The following ASB11 variants were observed in gnomAD, a reference collection of about 807,000 sequenced individuals.
ASB11 encodes the protein ankyrin repeat and SOCS box protein 11.
ASB11 carries 17 observed loss-of-function variants against 20.1 expected under a neutral mutation model. The ratio of observed to expected loss-of-function variants is 0.85; its 90% confidence interval spans 0.58 to 1.27. The LOEUF (loss-of-function observed/expected upper bound fraction) is 1.27. Among genes scored for constraint, ASB11 ranks in the 50% most tolerant of loss-of-function variants. The pLI, the probability that ASB11 is intolerant of heterozygous loss-of-function variation, is 0.00. For missense variants in ASB11, 259 were observed against 256.9 expected (o/e 1.01, Z -0.06); for synonymous variants, 107 against 105.6 (o/e 1.01, Z -0.08).
chrX:15,293,169 C>T lies in ASB11; in HGVS notation c.520+1G>A, dbSNP rs1236071515. The T allele has an allele frequency of 8.3e-7, 1 of 1,206,820 alleles. No homozygotes were observed. Among genetic ancestry groups the T allele is most frequent in the East Asian group, 3.0e-5 (1 of 33,829 alleles). On this transcript the variant is annotated splice_donor_variant, in intron 4 of 6. Coordinates refer to ENST00000480796, the MANE Select transcript of ASB11 (RefSeq NM_080873.3). LOFTEE classifies it high-confidence loss of function. The stretch of plus-strand genomic sequence containing the variant: ...CACATGCATTGTGGTGGCTCATTTA[C>T]CTCTCTTCACTGCCTCATGGATGGG...
At chrX:15,305,669 T>A (rs1248060957) in intron 1 of ASB11, among the ~76,000 whole-genome samples, 1 of 111,524 alleles carries the variant, frequency 9.0e-6, no homozygotes, top group African/African-American at 3.3e-5. Flanking sequence ...ACTCCTGATA[T>A]GAATGTGTAT....
At chrX:15,297,508 A>G (rs1288578247) in intron 3 of ASB11, 66 bp downstream of exon 3, 5 of 934,322 alleles carry the variant, frequency 5.4e-6, no homozygotes, top group Admixed American at 3.2e-5. Flanking sequence ...TGGAAGGTAA[A>G]CTATCATTAA....
Position 15,315,415 on chromosome X carries a change from G to A in ASB11, c.181+10C>T, listed in dbSNP as rs760566017. On this transcript the variant is annotated intron_variant, in intron 1 of 6. Coordinates refer to ENST00000480796, the MANE Select transcript of ASB11 (RefSeq NM_080873.3). ...CTTTAAATATTAGGAACAAATTCAT[G>A]TACTTTTACCTGAAATTCCACCATA... The A allele has an allele frequency of 2.1e-5, 22 of 1,070,141 alleles. No individual in the cohort carries two copies. Among genetic ancestry groups the A allele is most frequent in the Non-Finnish European group, 2.7e-5 (22 of 822,005 alleles). 88.2% of individuals were successfully genotyped at this position (1,070,141 alleles called of 1,213,427 possible).
At chrX:15,304,617 C>T (rs1323833411) in intron 1 of ASB11, among the ~76,000 whole-genome samples, 2 of 112,327 alleles carry the variant, frequency 1.8e-5, no homozygotes, top group Admixed American at 9.4e-5. Context: ...GCCAGGCTCA[C>T]GCCTGTAATC....
rs148478852 is a variant in ASB11, at chrX:15,293,249, G to A, written c.441C>T (p.Val147=). 1.7e-6 allele frequency: 2 copies of A among 1,210,027 alleles called. No homozygotes were observed. Among genetic ancestry groups the A allele is most frequent in the African/African-American group, 3.5e-5 (2 of 57,260 alleles). ...TGGCTCCGAACTCCAGCAGCACATTGACACATGCAGCACTGCCGCTGCAGC... is the reference window on the plus strand; with the variant it reads ...TGGCTCCGAACTCCAGCAGCACATTAACACATGCAGCACTGCCGCTGCAGC... ...NACCSGSAAC[V]NVLLEFGAKA... The change falls in exon 4 of 7, where the codon GTC becomes GTT. Residue 147 remains valine, a synonymous_variant. Transcript: ENST00000480796.
Position 15,293,233 on chromosome X carries a change from A to G in ASB11, c.457T>C (p.Phe153Leu). Reference sequence around the variant, plus strand: ...ACCTCCAACTGGGCCTTGGCTCCGAACTCCAGCAGCACATTGACACATGCA... The same window carrying G: ...ACCTCCAACTGGGCCTTGGCTCCGAGCTCCAGCAGCACATTGACACATGCA... ...SAACVNVLLE[F>L]GAKAQLEVHL... is the part of the protein sequence containing the mutation. The change falls in exon 4 of 7, where the codon TTC (phenylalanine) becomes CTC (leucine). Residue 153 changes from phenylalanine (F) to leucine (L), a missense_variant. Phe to Leu is a conservative substitution (Grantham distance 22). Coordinates refer to ENST00000480796, the MANE Select transcript of ASB11 (RefSeq NM_080873.3). 8.3e-7 allele frequency: 1 copy of G among 1,211,609 alleles called. No individual in the cohort carries two copies. Among genetic ancestry groups the G allele is most frequent in the Non-Finnish European group, 1.1e-6 (1 of 895,462 alleles).
At chrX:15,301,859 T>A (rs770960701) in intron 2 of ASB11, among the ~76,000 whole-genome samples, 1 of 112,171 alleles carries the variant, frequency 8.9e-6, no homozygotes, top group Admixed American at 9.5e-5. Flanking sequence ...CCTATTTTAA[T>A]GCTTGTTCTT....
At position 15,297,637 on chromosome X, in the gene ASB11, G is replaced by C. The variant is rs1920980264; in HGVS notation, c.306C>G (p.Leu102=). The stretch of plus-strand genomic sequence containing the variant: ...CGTGACCTCCAAGGCATGCCTCGTG[G>C]AGAGAAGACACCCGGTTAATTGTCA... ...NLVTINRVSS[L]HEACLGGHVA... is the part of the protein sequence containing the mutation. Residue 102 remains leucine, a synonymous_variant, in exon 3 of 7, where the codon CTC becomes CTG. Coordinates refer to ENST00000480796, the MANE Select transcript of ASB11 (RefSeq NM_080873.3). 8.3e-7 allele frequency: 1 copy of C among 1,210,716 alleles called. No individual in the cohort carries two copies. Among genetic ancestry groups the C allele is most frequent in the Non-Finnish European group, 1.1e-6 (1 of 894,829 alleles).
Position 15,293,189 on chromosome X carries a change from G to A in ASB11, c.501C>T (p.Ile167=). Reference sequence around the variant, plus strand: ...ATTTACCTCTCTTCACTGCCTCATGGATGGGCGAGGCCAGGTGCACCTCCA... The same window carrying A: ...ATTTACCTCTCTTCACTGCCTCATGAATGGGCGAGGCCAGGTGCACCTCCA... The part of the protein sequence containing the change: ...AQLEVHLASP[I]HEAVKRGHRE... The change falls in exon 4 of 7, where the codon ATC becomes ATT. Residue 167 remains isoleucine, a synonymous_variant. Coordinates refer to ENST00000480796, the MANE Select transcript of ASB11 (RefSeq NM_080873.3). The A allele has an allele frequency of 8.3e-7, 1 of 1,210,410 alleles. No individual in the cohort carries two copies. Among genetic ancestry groups the A allele is most frequent in the Non-Finnish European group, 1.1e-6 (1 of 895,016 alleles).
intron 1 of ASB11, 37 bp from the exon 2 acceptor site, chrX:15,302,844 G>A: frequency 8.7e-7 from 1 of 1,143,891 alleles, no homozygotes; most frequent in Non-Finnish European, 1.2e-6. Flanking sequence ...AAGGCCTGGA[G>A]ACTTCTTCCT....
intron 3 of ASB11, among the ~76,000 whole-genome samples, chrX:15,294,022 A>G (rs1920950607): frequency 1.8e-5 from 2 of 111,052 alleles, no homozygotes; most frequent in South Asian, 7.4e-4. Context: ...CTTAAAGTAT[A>G]ATAAAAAATA....
At chrX:15,309,219 T>A (rs949801945) in intron 1 of ASB11, among the ~76,000 whole-genome samples, 1 of 110,557 alleles carries the variant, frequency 9.0e-6, no homozygotes, top group African/African-American at 3.3e-5. Context: ...GCCCGGATGC[T>A]TCTTCTGTAT....
chrX:15,312,837 C>A (rs867421346), intron 1 of ASB11, among the ~76,000 whole-genome samples: 1 of 110,200 alleles, frequency 9.1e-6, no homozygotes, highest in Non-Finnish European at 1.9e-5. Context: ...TTTAATACAC[C>A]TAAATATATT....
Position 15,293,311 on chromosome X carries a change from C to G in ASB11, c.379G>C (p.Val127Leu). Reference sequence around the variant, plus strand: ...AGGGGTGTGGCTCCGTGAACTGTCACTCCATTGACCTAATGATGGGCAAAG... The same window carrying G: ...AGGGGTGTGGCTCCGTGAACTGTCAGTCCATTGACCTAATGATGGGCAAAG... ...LLENGAHVNG[V>L]TVHGATPLFN... The change falls in exon 4 of 7, where the codon GTG becomes CTG. Residue 127 changes from valine (V) to leucine (L), a missense_variant. Physicochemically the swap from Val to Leu is conservative, Grantham distance 32. Coordinates refer to ENST00000480796, the MANE Select transcript of ASB11 (RefSeq NM_080873.3). 1 of 1,205,318 alleles carries G rather than the reference C, an allele frequency of 8.3e-7. No homozygotes were observed. Among genetic ancestry groups the G allele is most frequent in the Non-Finnish European group, 1.1e-6 (1 of 892,963 alleles).
intron 6 of ASB11, among the ~76,000 whole-genome samples, chrX:15,285,385 C>T (rs1419770838): frequency 1.8e-5 from 2 of 109,213 alleles, no homozygotes; most frequent in East Asian, 2.9e-4. Context: ...ATGGTCTACC[C>T]GCCTGGGCCT....
At chrX:15,312,459 G>C (rs1602200925) in intron 1 of ASB11, among the ~76,000 whole-genome samples, 1 of 65,671 alleles carries the variant, frequency 1.5e-5, no homozygotes, top group African/African-American at 5.8e-5. Context: ...AGGTTTTACA[G>C]CACAAAGAAT....
intron 6 of ASB11, among the ~76,000 whole-genome samples, chrX:15,285,272 G>C (rs764278148): frequency 9.2e-6 from 1 of 108,752 alleles, no homozygotes; most frequent in East Asian, 2.9e-4. Flanking sequence ...TCCCGGGTAG[G>C]TGGGATTACA....
chrX:15,314,310 A>C (rs757182711), intron 1 of ASB11: 1 of 1,094,794 alleles, frequency 9.1e-7, no homozygotes, highest in South Asian at 2.7e-5. Context: ...GCTTAACTTG[A>C]AACTTATCAG....
chrX:15,307,322 C>T, intron 1 of ASB11, among the ~76,000 whole-genome samples: 1 of 112,353 alleles, frequency 8.9e-6, no homozygotes, highest in South Asian at 3.7e-4. Context: ...TATAAAGCAG[C>T]AGTCCCCAAC....
Sources: gnomAD v4.1 joint callset for allele counts (sites outside exome capture counted in the v4.1 genomes callset) on GRCh38, gnomAD v4.1.1 for gene constraint, MANE v1.5 for transcripts, NCBI Gene and HGNC (gene_info 2026-07-23, HGNC 2026-07-21) for gene names.